Variants in DLGAP2 observed in about 807,000 individuals in gnomAD.
DLGAP2 encodes the protein disks large-associated protein 2.
DLGAP2 carries 26 observed loss-of-function variants against 100.3 expected under a neutral mutation model. The ratio of observed to expected loss-of-function variants is 0.26; its 90% CI spans 0.19 to 0.36. DLGAP2 has a LOEUF of 0.36. Among genes scored for constraint, DLGAP2 ranks in the 10% least tolerant of loss-of-function variants. The probability of loss-of-function intolerance (pLI) is 1.00; values close to 1 mark genes in which losing one functional copy is unlikely to be tolerated. For missense variants in DLGAP2, 1,858 were observed against 1,453.2 expected (o/e 1.28, Z -4.53); for synonymous variants, 886 against 630.1 (o/e 1.41, Z -6.08).
At chr8:967,767 A>G (rs1452670211) in intron 2 of DLGAP2, among the ~76,000 whole-genome samples, 1 of 60,648 alleles carries the variant, frequency 1.6e-5, no homozygotes, top group East Asian at 5.5e-4. Context: ...AAAGAGGTGT[A>G]TATATATATA....
intron 1 of DLGAP2, among the ~76,000 whole-genome samples, chr8:746,863 C>T (rs1585817654): frequency 2.0e-5 from 3 of 152,192 alleles, no homozygotes; most frequent in Admixed American, 6.5e-5. Context: ...TGGCTGCGGA[C>T]GCTGGTCCTG....
intron 3 of DLGAP2, among the ~76,000 whole-genome samples, chr8:1,430,027 T>TATATATATATATATATACAC (rs1282725274): frequency 2.7e-4 from 21 of 76,892 alleles, no homozygotes; most frequent in Non-Finnish European, 4.0e-4. Context: ...TATATATATA[T>TATATATATATATATATACAC]ACACACACAC....
intron 8 of DLGAP2, among the ~76,000 whole-genome samples, chr8:1,662,633 G>A (rs1226984200): frequency 1.3e-5 from 2 of 152,244 alleles, no homozygotes; most frequent in Admixed American, 1.3e-4. Flanking sequence ...TCAGGAAGAG[G>A]TTTAAGCCCA....
At chr8:1,345,250 G>A (rs186614036) in intron 3 of DLGAP2, among the ~76,000 whole-genome samples, 2 of 151,786 alleles carry the variant, frequency 1.3e-5, no homozygotes, top group Admixed American at 6.5e-5. Context: ...GTTCCTTCAG[G>A]GCAGAGTGTG....
intron 2 of DLGAP2, among the ~76,000 whole-genome samples, chr8:1,254,486 A>G (rs13257441): frequency 0.81 from 122,582 of 152,066 alleles, 49,536 homozygotes; most frequent in Middle Eastern, 0.85. Context: ...GCCTCCTCGG[A>G]GCCTCTAGTT....
chr8:1,271,039 A>G (rs1799572727), intron 3 of DLGAP2, among the ~76,000 whole-genome samples: 1 of 152,164 alleles, frequency 6.6e-6, no homozygotes, highest in Non-Finnish European at 1.5e-5. Context: ...CCATTTCCTA[A>G]TATTGCAATT....
chr8:1,660,974 C>T (rs574376521), intron 8 of DLGAP2, among the ~76,000 whole-genome samples: 2 of 152,276 alleles, frequency 1.3e-5, no homozygotes, highest in East Asian at 1.9e-4. Flanking sequence ...CTGCTGGAAC[C>T]GGAATCTTGC....
chr8:1,433,029 T>A (rs1261310369), intron 3 of DLGAP2, among the ~76,000 whole-genome samples: 1 of 152,152 alleles, frequency 6.6e-6, no homozygotes, highest in East Asian at 1.9e-4. Context: ...CAGTCTGCTC[T>A]CCTCATGATT....
chr8:1,168,954 C>T (rs1171699003), intron 2 of DLGAP2, among the ~76,000 whole-genome samples: 3 of 142,708 alleles, frequency 2.1e-5, no homozygotes, highest in Non-Finnish European at 4.6e-5. Flanking sequence ...GAAGTCCTTG[C>T]CCATGCCTAT....
At chr8:1,571,565 GA>G (rs1802684234) in intron 6 of DLGAP2, among the ~76,000 whole-genome samples, 1 of 139,476 alleles carries the variant, frequency 7.2e-6, no homozygotes, top group Non-Finnish European at 1.5e-5. Context: ...GGTGTCTGAT[GA>G]GATGGAGAGG....
intron 3 of DLGAP2, among the ~76,000 whole-genome samples, chr8:1,392,124 C>A (rs1796373270): frequency 6.6e-6 from 1 of 151,972 alleles, no homozygotes; most frequent in South Asian, 2.1e-4. Flanking sequence ...GCCTTATCTA[C>A]ATCTCTAATT....
chr8:1,516,706 GGTGACTGAGTGAAAGAGTGA>G (rs1328388107), intron 4 of DLGAP2, among the ~76,000 whole-genome samples: 1 of 150,602 alleles, frequency 6.6e-6, no homozygotes, highest in Non-Finnish European at 1.5e-5. Context: ...TGAATGAGTG[GGTGACTGAGTGAAAGAGTGA>G]GTGACTGAGA....
chr8:1,269,268 G>A (rs1172582182), intron 3 of DLGAP2, among the ~76,000 whole-genome samples: 1 of 152,180 alleles, frequency 6.6e-6, no homozygotes, highest in Admixed American at 6.5e-5. Context: ...CTGGGTGCCG[G>A]GAGGAGGAGC....
chr8:1,530,739 T>C (rs1177892155), intron 4 of DLGAP2, among the ~76,000 whole-genome samples: 1 of 152,256 alleles, frequency 6.6e-6, no homozygotes. Flanking sequence ...TCTTCTGCCA[T>C]GGCTTCAGCC....
intron 1 of DLGAP2, among the ~76,000 whole-genome samples, chr8:806,971 T>C (rs1289648819): frequency 6.6e-6 from 1 of 152,208 alleles, no homozygotes; most frequent in Non-Finnish European, 1.5e-5. Context: ...CCCCTGGAAC[T>C]GGGCATCTAA....
chr8:890,147 G>T (rs981452788), intron 1 of DLGAP2, among the ~76,000 whole-genome samples: 1 of 152,052 alleles, frequency 6.6e-6, no homozygotes, highest in Non-Finnish European at 1.5e-5. Flanking sequence ...TGCTTATTTT[G>T]TTTTTTTCCG....
chr8:799,533 A>G (rs1466058829), intron 1 of DLGAP2, among the ~76,000 whole-genome samples: 2 of 152,226 alleles, frequency 1.3e-5, no homozygotes, highest in African/African-American at 2.4e-5. Flanking sequence ...AACAGCGTCC[A>G]CATTATGACA....
rs375973723 is a variant in DLGAP2 at position 1,556,557 on chromosome 8, T to C, written c.1230+6874T>C. On this transcript the variant is annotated intron_variant, in intron 5 of 14. Coordinates refer to ENST00000637795, the MANE Select transcript of DLGAP2 (RefSeq NM_001346810.2). ...CCTGCCTCAGACTTGGTGGTCCACA[T>C]GCAGTACTGCTCTGTGAATGATCCT... 1.4e-3 allele frequency among the ~76,000 whole-genome samples: 209 copies of C among 152,308 alleles called. 1 individual carries two copies. The South Asian group carries it at 0.019, about 14-fold the overall frequency.
At chr8:1,362,241 C>T (rs1051686193) in intron 3 of DLGAP2, among the ~76,000 whole-genome samples, 1 of 152,040 alleles carries the variant, frequency 6.6e-6, no homozygotes, top group African/African-American at 2.4e-5. Context: ...ACCTGGTGTT[C>T]CCCACAGTGG....
Sources: allele counts gnomAD v4.1 joint callset (sites outside exome capture counted in the v4.1 genomes callset), GRCh38; gene constraint gnomAD v4.1.1; transcripts MANE v1.5; gene names NCBI Gene and HGNC (gene_info 2026-07-23, HGNC 2026-07-21).